The following SLC24A2 variants were observed in gnomAD, a reference collection of about 807,000 sequenced individuals.
The protein encoded by SLC24A2 is sodium/potassium/calcium exchanger 2.
In SLC24A2, 36 loss-of-function variants were observed where a neutral mutation model predicts 62.0. That is an observed-to-expected ratio of 0.58 (90% CI 0.44 to 0.77). The LOEUF is 0.77. Among genes scored for constraint, SLC24A2 ranks in the 30% least tolerant of loss-of-function variants. The probability of loss-of-function intolerance (pLI) is 0.00; values close to 1 mark genes in which losing one functional copy is unlikely to be tolerated. For synonymous variants in SLC24A2, 358 were observed against 294.0 expected, an observed-to-expected ratio of 1.22 and a Z score of -2.23; for missense variants, 846 against 817.9, an observed-to-expected ratio of 1.03 and a Z score of -0.42.
chr9:19,833,981 G>A, the SLC24A2 span, among the ~76,000 whole-genome samples: 4 of 152,282 alleles, frequency 2.6e-5, no homozygotes, highest in East Asian at 1.9e-4. Flanking sequence ...GGAGTGGACT[G>A]CCAGTAAACT....
intron 7 of SLC24A2, among the ~76,000 whole-genome samples, chr9:19,561,509 A>T (rs1835401300): frequency 7.2e-6 from 1 of 139,352 alleles, no homozygotes; most frequent in African/African-American, 2.7e-5. Context: ...ATCTCGGCTC[A>T]CTGCAACCTC....
the SLC24A2 span, among the ~76,000 whole-genome samples, chr9:20,116,232 A>G: frequency 1.3e-5 from 2 of 152,156 alleles, no homozygotes; most frequent in African/African-American, 4.8e-5. Context: ...TGCCATTCTC[A>G]TAGCTCTAAA....
At chr9:19,768,353 G>C (rs752542181) in intron 2 of SLC24A2, among the ~76,000 whole-genome samples, 8 of 152,004 alleles carry the variant, frequency 5.3e-5, no homozygotes, top group Non-Finnish European at 1.2e-4. Context: ...TTACCAAGTC[G>C]CCAATGACCT....
intron 2 of SLC24A2, among the ~76,000 whole-genome samples, chr9:19,761,736 G>T (rs1157184068): frequency 2.0e-5 from 3 of 151,954 alleles, no homozygotes; most frequent in Admixed American, 6.6e-5. Context: ...GCGGTGTTTG[G>T]TTTTTTGTCC....
the SLC24A2 span, among the ~76,000 whole-genome samples, chr9:19,853,355 G>A: frequency 3.9e-5 from 6 of 152,288 alleles, 1 homozygote; most frequent in South Asian, 1.2e-3. Flanking sequence ...TTGAATAGGA[G>A]TGGTGAGACA....
the SLC24A2 span, among the ~76,000 whole-genome samples, chr9:19,985,844 T>A: frequency 6.6e-6 from 1 of 152,114 alleles, no homozygotes; most frequent in African/African-American, 2.4e-5. Context: ...TAGGGGTAAA[T>A]CTTCATAGCC....
the SLC24A2 span, among the ~76,000 whole-genome samples, chr9:19,966,963 T>C: frequency 6.6e-6 from 1 of 152,200 alleles, no homozygotes; most frequent in Non-Finnish European, 1.5e-5. Flanking sequence ...GAAGAATTTC[T>C]GAAAAATTCT....
At chr9:19,810,445 C>T in the SLC24A2 span, among the ~76,000 whole-genome samples, 1 of 152,176 alleles carries the variant, frequency 6.6e-6, no homozygotes, top group African/African-American at 2.4e-5. Context: ...TGTGATTAAG[C>T]CAAACAGTTC....
chr9:19,972,092 T>C, the SLC24A2 span, among the ~76,000 whole-genome samples: 1 of 152,104 alleles, frequency 6.6e-6, no homozygotes, highest in South Asian at 2.1e-4. Context: ...CTTTATACTT[T>C]GTTAGCTGGG....
the SLC24A2 span, among the ~76,000 whole-genome samples, chr9:19,879,362 T>C: frequency 1.3e-5 from 2 of 152,150 alleles, no homozygotes; most frequent in African/African-American, 4.8e-5. Flanking sequence ...GGGTGAATCA[T>C]GGTAGGTTGG....
chr9:20,078,453 C>T, the SLC24A2 span, among the ~76,000 whole-genome samples: 2 of 152,142 alleles, frequency 1.3e-5, no homozygotes, highest in East Asian at 1.9e-4. Flanking sequence ...CATCTCCCCA[C>T]TGACTGAAGT....
intron 2 of SLC24A2, among the ~76,000 whole-genome samples, chr9:19,697,760 T>C (rs1587171199): frequency 6.6e-6 from 1 of 152,168 alleles, no homozygotes; most frequent in Non-Finnish European, 1.5e-5. Flanking sequence ...ACACAATTCA[T>C]ACTTTCCATT....
the SLC24A2 span, among the ~76,000 whole-genome samples, chr9:20,105,581 C>G: frequency 1.3e-5 from 2 of 152,032 alleles, no homozygotes; most frequent in South Asian, 2.1e-4. Flanking sequence ...AACTGAACAA[C>G]CTGCTCCTGA....
At chr9:19,604,537 T>C (rs1351084476) in intron 4 of SLC24A2, among the ~76,000 whole-genome samples, 1 of 152,160 alleles carries the variant, frequency 6.6e-6, no homozygotes, top group Non-Finnish European at 1.5e-5. Context: ...TATCCAGCTA[T>C]TGGGTCAGCA....
At chr9:20,095,612 A>C in the SLC24A2 span, among the ~76,000 whole-genome samples, 1 of 152,106 alleles carries the variant, frequency 6.6e-6, no homozygotes, top group Non-Finnish European at 1.5e-5. Flanking sequence ...TTGGTTGAAC[A>C]GCTCACTGAC....
chr9:19,755,859 G>A (rs955924499), intron 2 of SLC24A2, among the ~76,000 whole-genome samples: 2 of 152,114 alleles, frequency 1.3e-5, no homozygotes, highest in Non-Finnish European at 2.9e-5. Flanking sequence ...AGTCAGATAC[G>A]GCACTGATTT....
chr9:20,275,114 C>T, the SLC24A2 span, among the ~76,000 whole-genome samples: 34 of 152,080 alleles, frequency 2.2e-4, no homozygotes, highest in East Asian at 2.7e-3. Context: ...CCCCTTCTGG[C>T]ATCTGAACTA....
chr9:20,009,610 T>C, the SLC24A2 span, among the ~76,000 whole-genome samples: 1 of 152,114 alleles, frequency 6.6e-6, no homozygotes, highest in Non-Finnish European at 1.5e-5. Flanking sequence ...AAGTCTTCCC[T>C]AGGTCGAGAG....
the SLC24A2 span, among the ~76,000 whole-genome samples, chr9:19,810,814 G>A: frequency 6.6e-6 from 1 of 151,894 alleles, no homozygotes; most frequent in African/African-American, 2.4e-5. Flanking sequence ...AATGTGTGAG[G>A]TCCAAAGAAA....
Sources: gnomAD v4.1 joint callset for allele counts (sites outside exome capture counted in the v4.1 genomes callset) on GRCh38, gnomAD v4.1.1 for gene constraint, MANE v1.5 for transcripts, NCBI Gene and HGNC (gene_info 2026-07-23, HGNC 2026-07-21) for gene names.